The following WWOX variants were observed in gnomAD, a reference collection of about 807,000 sequenced individuals.
The protein encoded by WWOX is WW domain-containing oxidoreductase.
WWOX carries 69 observed loss-of-function variants against 46.2 expected under a neutral mutation model. The ratio of observed to expected loss-of-function variants is 1.49; its 90% CI spans 1.23 to 1.82. The LOEUF (loss-of-function observed/expected upper bound fraction) is 1.82. Ranked by LOEUF, WWOX falls within the 40% of genes most tolerant of loss-of-function variation. The probability of loss-of-function intolerance (pLI) is 0.00; values close to 1 mark genes in which losing one functional copy is unlikely to be tolerated. For missense variants in WWOX, 919 were observed against 542.6 expected (o/e 1.69, Z -6.89); for synonymous variants, 359 against 202.6 (o/e 1.77, Z -6.56).
At chr16:78,244,796 A>G (rs2037765382) in intron 5 of WWOX, among the ~76,000 whole-genome samples, 1 of 151,990 alleles carries the variant, frequency 6.6e-6, no homozygotes. Context: ...GTGAATTCTC[A>G]TAGGAGCAAA....
chr16:78,645,532 G>A (rs1031884078), intron 8 of WWOX, among the ~76,000 whole-genome samples: 4 of 152,224 alleles, frequency 2.6e-5, no homozygotes, highest in Admixed American at 6.5e-5. Flanking sequence ...TCTGATGAGG[G>A]CGTCAGGCAG....
chr16:78,778,913 G>A (rs1296966005), intron 8 of WWOX, among the ~76,000 whole-genome samples: 1 of 152,108 alleles, frequency 6.6e-6, no homozygotes, highest in Non-Finnish European at 1.5e-5. Context: ...TGCTGGATAG[G>A]GATAGGATGT....
At chr16:78,636,990 G>A (rs2046587686) in intron 8 of WWOX, among the ~76,000 whole-genome samples, 1 of 152,148 alleles carries the variant, frequency 6.6e-6, no homozygotes. Context: ...TCCCAACAGA[G>A]GCAAGTGCGC....
intron 8 of WWOX, among the ~76,000 whole-genome samples, chr16:78,588,739 C>T (rs1000499258): frequency 6.6e-6 from 1 of 152,206 alleles, no homozygotes; most frequent in Non-Finnish European, 1.5e-5. Flanking sequence ...GACGTAGCAT[C>T]ACTTTATTGA....
rs557240904 is a variant in WWOX, at chr16:79,124,068, C to A, written c.1057-87540C>A. On this transcript the variant is annotated intron_variant, in intron 8 of 8. Transcript: ENST00000566780. ...TTTCTTTGCCTCTTAAGTGTGGACTCGGAGCACTCGTGCTCTGAAAGCCCT... is the reference window on the plus strand; with the variant it reads ...TTTCTTTGCCTCTTAAGTGTGGACTAGGAGCACTCGTGCTCTGAAAGCCCT... Among the ~76,000 whole-genome samples, 4 of 151,544 alleles carry A rather than the reference C, an allele frequency of 2.6e-5. No homozygotes were observed. In the South Asian group the frequency reaches 8.4e-4, roughly 32 times the overall value.
At chr16:78,554,893 T>A (rs1489453302) in intron 8 of WWOX, among the ~76,000 whole-genome samples, 1 of 152,114 alleles carries the variant, frequency 6.6e-6, no homozygotes, top group Non-Finnish European at 1.5e-5. Context: ...ATCCATTCCT[T>A]TCACAAAGAC....
At chr16:78,329,672 A>G (rs1353440103) in intron 5 of WWOX, among the ~76,000 whole-genome samples, 2 of 151,984 alleles carry the variant, frequency 1.3e-5, no homozygotes, top group Non-Finnish European at 2.9e-5. Context: ...GTGCTCTGTT[A>G]TTCTTGCCAA....
chr16:78,559,009 C>T (rs1281290755), intron 8 of WWOX, among the ~76,000 whole-genome samples: 1 of 152,202 alleles, frequency 6.6e-6, no homozygotes, highest in Non-Finnish European at 1.5e-5. Flanking sequence ...TTGTTGCTCA[C>T]AATCATATCC....
At chr16:79,105,051 A>G (rs140297083) in intron 8 of WWOX, among the ~76,000 whole-genome samples, 1,695 of 152,150 alleles carry the variant, frequency 0.011, 30 homozygotes, top group African/African-American at 0.038. Context: ...TCAGTTTACA[A>G]AAGTGGAAAA....
chr16:78,335,133 T>G (rs528692779), intron 5 of WWOX, among the ~76,000 whole-genome samples: 1 of 152,170 alleles, frequency 6.6e-6, no homozygotes, highest in Non-Finnish European at 1.5e-5. Flanking sequence ...GTTTATTTTT[T>G]CTAAAACTTT....
intron 8 of WWOX, among the ~76,000 whole-genome samples, chr16:78,965,305 A>C (rs2046344204): frequency 6.6e-6 from 1 of 152,224 alleles, no homozygotes; most frequent in African/African-American, 2.4e-5. Context: ...ACGGTGGCTC[A>C]TGCCTATAAT....
At chr16:78,728,159 G>T (rs1439017972) in intron 8 of WWOX, among the ~76,000 whole-genome samples, 1 of 146,762 alleles carries the variant, frequency 6.8e-6, no homozygotes, top group East Asian at 2.0e-4. Flanking sequence ...TAACCTCCTG[G>T]GTTCAAGTGA....
chr16:78,337,017 G>A (rs9939598), intron 5 of WWOX, among the ~76,000 whole-genome samples: 10,952 of 152,092 alleles, frequency 0.072, 1,165 homozygotes, highest in African/African-American at 0.23. Flanking sequence ...CTGACCTCAC[G>A]TGATCCACCC....
intron 3 of WWOX, among the ~76,000 whole-genome samples, chr16:78,113,539 G>A (rs895503506): frequency 1.3e-5 from 2 of 152,146 alleles, no homozygotes; most frequent in African/African-American, 4.8e-5. Context: ...AAGGGCTTTG[G>A]GGGGAACCTG....
chr16:78,163,853 T>C (rs2034878948), intron 4 of WWOX, among the ~76,000 whole-genome samples: 1 of 152,192 alleles, frequency 6.6e-6, no homozygotes, highest in Admixed American at 6.5e-5. Context: ...GTCTTCATCT[T>C]TGAAATCACT....
At chr16:78,795,607 A>G (rs1486638145) in intron 8 of WWOX, among the ~76,000 whole-genome samples, 2 of 152,220 alleles carry the variant, frequency 1.3e-5, no homozygotes, top group East Asian at 3.9e-4. Context: ...TTGGAGCACC[A>G]CGCCTCACTA....
chr16:78,860,583 C>G (rs888154772), intron 8 of WWOX, among the ~76,000 whole-genome samples: 1 of 152,188 alleles, frequency 6.6e-6, no homozygotes, highest in African/African-American at 2.4e-5. Context: ...AAGTCCCTAT[C>G]CTGGTGGATC....
intron 4 of WWOX, among the ~76,000 whole-genome samples, chr16:78,141,023 C>G (rs1042089543): frequency 2.0e-5 from 3 of 152,316 alleles, no homozygotes; most frequent in Admixed American, 6.5e-5. Flanking sequence ...GTGCAGCTTA[C>G]TTTCTTATGG....
At chr16:78,402,660 C>A (rs75797589) in intron 6 of WWOX, among the ~76,000 whole-genome samples, 6,312 of 152,204 alleles carry the variant, frequency 0.041, 435 homozygotes, top group African/African-American at 0.14. Context: ...GAGAAACTTA[C>A]AAGTCCACGA....
Sources: allele counts gnomAD v4.1 joint callset (sites outside exome capture counted in the v4.1 genomes callset), GRCh38; gene constraint gnomAD v4.1.1; transcripts MANE v1.5; gene names NCBI Gene and HGNC (gene_info 2026-07-23, HGNC 2026-07-21).